Variants in AP4E1 observed in about 807,000 individuals in gnomAD.
AP4E1 encodes AP-4 complex subunit epsilon-1.
In AP4E1, 56 loss-of-function variants were observed where a neutral mutation model predicts 128.2. The ratio of observed to expected loss-of-function variants is 0.44; its 90% CI spans 0.35 to 0.55. The LOEUF is 0.55. AP4E1 is among the 20% of genes least tolerant of loss of function. The pLI is 0.00. For missense variants in AP4E1, 1,324 were observed against 1,307.7 expected, an observed-to-expected ratio of 1.01 and a Z score of -0.19; for synonymous variants, 484 against 473.1, an observed-to-expected ratio of 1.02 and a Z score of -0.30.
chr15:50,908,183 G>A (rs1245138696), upstream of AP4E1, among the ~76,000 whole-genome samples: 1 of 152,184 alleles, frequency 6.6e-6, no homozygotes, highest in East Asian at 1.9e-4. Context: ...CTCTCAACCT[G>A]GCACGCCGAA....
intron 3 of AP4E1, among the ~76,000 whole-genome samples, chr15:50,923,320 A>AT (rs2063729591): frequency 6.6e-6 from 1 of 152,240 alleles, no homozygotes; most frequent in Non-Finnish European, 1.5e-5. Flanking sequence ...TTTTAATATT[A>AT]TTGCAATAAA....
At position 50,976,858 on chromosome 15, in the gene AP4E1, G is replaced by C. The variant is rs567878425; in HGVS notation, c.1967-7164G>C. Among the ~76,000 whole-genome samples the C allele has an allele frequency of 2.0e-5, 3 of 152,244 alleles. No individual in the cohort carries two copies. In the South Asian group the frequency reaches 6.2e-4, roughly 32 times the overall value. ...TTAATGAAAACCACTGAACGTTAAT[G>C]AAAGAAATCAAACAAGGCACAAATA... On this transcript the variant is annotated intron_variant, in intron 15 of 20. Transcript: ENST00000261842.
intron 1 of AP4E1, among the ~76,000 whole-genome samples, chr15:50,910,013 G>A (rs1379484165): frequency 6.6e-6 from 1 of 152,150 alleles, no homozygotes; most frequent in Non-Finnish European, 1.5e-5. Context: ...TAATGACGGA[G>A]TCTCGCTCTG....
chr15:50,965,590 A>AG (rs2064381014), intron 14 of AP4E1, among the ~76,000 whole-genome samples: 1 of 152,248 alleles, frequency 6.6e-6, no homozygotes, highest in Non-Finnish European at 1.5e-5. Context: ...GGAGATGCAT[A>AG]GGACAAGCTA....
chr15:50,944,754 T>C, intron 10 of AP4E1: 1 of 600,406 alleles, frequency 1.7e-6, no homozygotes, highest in Non-Finnish European at 3.0e-6. Flanking sequence ...TGATCCTACC[T>C]TACATCCTTT....
chr15:50,977,282 A>G (rs1209971502), intron 15 of AP4E1, among the ~76,000 whole-genome samples: 1 of 152,164 alleles, frequency 6.6e-6, no homozygotes, highest in Admixed American at 6.5e-5. Flanking sequence ...GAGATATAAT[A>G]GGGAGACTAT....
chr15:51,000,926 T>C (rs2064953424), intron 19 of AP4E1, 100 bp from the exon 20 acceptor site: 1 of 999,098 alleles, frequency 1.0e-6, no homozygotes, highest in South Asian at 1.4e-5. Context: ...GACCCAGATT[T>C]ACAATGATTA....
rs757000016 is a variant in AP4E1 at position 50,915,478 on chromosome 15, A to G, written c.253A>G (p.Ile85Val). 1 of 1,613,376 alleles carries G rather than the reference A, an allele frequency of 6.2e-7. No individual in the cohort carries two copies. The highest frequency in any genetic ancestry group is 1.1e-5 in the South Asian group (1 of 91,064). Residue 85 changes from isoleucine to valine, a missense_variant, in exon 3 of 21, where the codon ATA (isoleucine) becomes GTA (valine). Physicochemically the swap from Ile to Val is conservative, Grantham distance 29. Coordinates refer to ENST00000261842, the MANE Select transcript of AP4E1 (RefSeq NM_007347.5). ...GATGAAGGAATGTATGGTGAGACTT[A>G]TATATTGTGAAATGCTTGGATATGA... is the stretch of plus-strand genomic sequence containing the variant. ...KMMKECMVRL[I>V]YCEMLGYDAS...
At chr15:50,940,364 C>T (rs1480777851) in intron 8 of AP4E1, among the ~76,000 whole-genome samples, 2 of 151,494 alleles carry the variant, frequency 1.3e-5, no homozygotes, top group Admixed American at 1.3e-4. Flanking sequence ...TCTTTTCTTT[C>T]CTTGTAAATT....
intron 4 of AP4E1, among the ~76,000 whole-genome samples, chr15:50,924,340 G>A (rs1471550344): frequency 1.3e-5 from 2 of 152,008 alleles, no homozygotes; most frequent in South Asian, 2.1e-4. Context: ...TCTAGGATCT[G>A]TTCTAAAGGG....
chr15:50,917,339 A>G (rs1441908713), intron 3 of AP4E1, among the ~76,000 whole-genome samples: 1 of 152,198 alleles, frequency 6.6e-6, no homozygotes, highest in East Asian at 1.9e-4. Context: ...AAAGTCTGGT[A>G]TTTCTTTGCC....
chr15:50,945,260 T>C, intron 10 of AP4E1: 1 of 784,246 alleles, frequency 1.3e-6, no homozygotes, highest in Non-Finnish European at 2.4e-6. Context: ...ACAGTGTAAG[T>C]AGTGTTAAAT....
rs61674204 is a variant in AP4E1 at position 51,004,036 on chromosome 15, T to C, written c.*1374T>C. 14 of 152,382 alleles carry C rather than the reference T, an allele frequency of 9.2e-5. No individual in the cohort carries two copies. Among genetic ancestry groups the C allele is most frequent in the Admixed American group, 3.9e-4 (6 of 15,306 alleles). The allele number at this position is 152,382 out of a possible 1,614,324, so 9.4% of individuals were successfully genotyped here. ...TCTTTCTCAATTAATTTTTAAGTTA[T>C]TCATTAAAAAATATATAACATCTTA... On this transcript the variant is annotated 3_prime_UTR_variant, in exon 21 of 21. Coordinates refer to ENST00000261842, the MANE Select transcript of AP4E1 (RefSeq NM_007347.5).
In AP4E1 at chr15:50,975,972, GA is replaced by G. The variant is rs570075644; in HGVS notation, c.1966+7596del. On this transcript the variant is annotated intron_variant, in intron 15 of 20. Transcript: ENST00000261842. ...CAAAAGGGACAGAGAGAGAGAGAGA[GA>G]GAGAGAGAAAGAGAGAGAGAGTTCT... Among the ~76,000 whole-genome samples, 440 of 152,196 alleles carry G rather than the reference GA, an allele frequency of 2.9e-3. 1 individual carries two copies. Among genetic ancestry groups the G allele is most frequent in the African/African-American group, 0.01 (422 of 41,518 alleles).
At position 50,941,482 on chromosome 15, in the gene AP4E1, T is replaced by C. The variant is rs1555456740; in HGVS notation, c.984T>C (p.Tyr328=). Residue 328 remains tyrosine (Y), a synonymous_variant, in exon 9 of 21, where the codon TAT becomes TAC. Transcript: ENST00000261842. Reference sequence around the variant, plus strand: ...GTGTGCATACAGTCTATTCTATTTATCCTAAATCGGAATTACTTGAGAAGG... The same window carrying C: ...GTGTGCATACAGTCTATTCTATTTACCCTAAATCGGAATTACTTGAGAAGG... ...FECVHTVYSI[Y]PKSELLEKAA... The C allele has an allele frequency of 6.2e-7, 1 of 1,613,040 alleles. No individual in the cohort carries two copies. The highest frequency in any genetic ancestry group is 8.5e-7 in the Non-Finnish European group (1 of 1,179,414).
intron 16 of AP4E1, among the ~76,000 whole-genome samples, chr15:50,988,606 T>TGTG (rs777383620): frequency 6.6e-6 from 1 of 152,134 alleles, no homozygotes; most frequent in Non-Finnish European, 1.5e-5. Context: ...TGAGCCACCG[T>TGTG]GCCCAGCCTA....
chr15:51,004,075 A>C lies in AP4E1; in HGVS notation c.*1413A>C, dbSNP rs2064994628. 1.3e-5 allele frequency: 2 copies of C among 152,188 alleles called. No individual in the cohort carries two copies. The allele number at this position is 152,188 out of a possible 1,614,324, so 9.4% of individuals were successfully genotyped here. A position where few individuals can be genotyped will look rare whatever the true frequency, so the allele number is the denominator to read the frequency against. On this transcript the variant is annotated 3_prime_UTR_variant, in exon 21 of 21. Coordinates refer to ENST00000261842, the MANE Select transcript of AP4E1 (RefSeq NM_007347.5). ...TATAACATCTTAATTTTATTCTTTT[A>C]AAAACATACAGTGAAGCCTTGCTAC...
Position 51,004,394 on chromosome 15 carries a change from C to T in AP4E1, c.*1732C>T, listed in dbSNP as rs2064997899. The T allele has an allele frequency of 1.3e-5, 2 of 152,246 alleles. No homozygotes were observed. The highest frequency in any genetic ancestry group is 4.1e-4 in the South Asian group (2 of 4,826). The allele number at this position is 152,246 out of a possible 1,614,324, so 9.4% of individuals were successfully genotyped here. The stretch of plus-strand genomic sequence containing the variant: ...GGTGCTCCAATTTTTTGTGTCCTTA[C>T]TTCCCTATGTTTGCCTAGTTACTGA... On this transcript the variant is annotated 3_prime_UTR_variant, in exon 21 of 21. Transcript: ENST00000261842.
chr15:50,968,443 T>A, intron 15 of AP4E1, 66 bp downstream of exon 15: 1 of 1,091,338 alleles, frequency 9.2e-7, no homozygotes, highest in Non-Finnish European at 1.4e-6. Flanking sequence ...TATAGTCATG[T>A]AAGTAAATAA....
Sources: gnomAD v4.1 joint callset for allele counts (sites outside exome capture counted in the v4.1 genomes callset) on GRCh38, gnomAD v4.1.1 for gene constraint, MANE v1.5 for transcripts, NCBI Gene and HGNC (gene_info 2026-07-23, HGNC 2026-07-21) for gene names.